Variants in CSGALNACT1 observed in about 807,000 individuals in gnomAD.
CSGALNACT1 encodes chondroitin sulfate N-acetylgalactosaminyltransferase 1.
CSGALNACT1 carries 52 observed loss-of-function variants against 51.0 expected under a neutral mutation model. The ratio of observed to expected loss-of-function variants is 1.02; its 90% CI spans 0.82 to 1.29. The LOEUF (loss-of-function observed/expected upper bound fraction) is 1.29, where lower values mean the gene tolerates loss of function less well. CSGALNACT1 is among the 50% of genes most tolerant of loss of function. The pLI is 0.00. For synonymous variants in CSGALNACT1, 341 were observed against 254.4 expected, an observed-to-expected ratio of 1.34 and a Z score of -3.24; for missense variants, 935 against 679.2, an observed-to-expected ratio of 1.38 and a Z score of -4.19.
chr8:19,566,283 G>A (rs562284222), intron 3 of CSGALNACT1, among the ~76,000 whole-genome samples: 70 of 152,312 alleles, frequency 4.6e-4, no homozygotes, highest in Admixed American at 2.4e-3. Context: ...AGACTGGAAT[G>A]ATGTGATCTA....
At chr8:19,515,090 C>T (rs781585099) in intron 3 of CSGALNACT1, among the ~76,000 whole-genome samples, 10 of 152,040 alleles carry the variant, frequency 6.6e-5, no homozygotes, top group Non-Finnish European at 1.3e-4. Flanking sequence ...GCCTTGATCC[C>T]CCATTCCTTC....
At chr8:19,736,009 C>T (rs988529707) in intron 1 of CSGALNACT1, among the ~76,000 whole-genome samples, 2 of 152,074 alleles carry the variant, frequency 1.3e-5, no homozygotes, top group African/African-American at 4.8e-5. Flanking sequence ...ATTCAATCTG[C>T]ATGTAAAAAT....
intron 7 of CSGALNACT1, among the ~76,000 whole-genome samples, 163 bp downstream of exon 6, chr8:19,420,177 C>T (rs766984097): frequency 5.9e-5 from 9 of 152,132 alleles, no homozygotes; most frequent in Admixed American, 1.3e-4. Flanking sequence ...TTATTAGCCG[C>T]GTGAGAACAG....
upstream of CSGALNACT1, among the ~76,000 whole-genome samples, chr8:19,685,798 T>C (rs1589510943): frequency 6.6e-6 from 1 of 152,174 alleles, no homozygotes; most frequent in African/African-American, 2.4e-5. Flanking sequence ...CAGGCTAACT[T>C]TGACATACCA....
At chr8:19,537,314 A>C (rs2083978550) in intron 3 of CSGALNACT1, among the ~76,000 whole-genome samples, 1 of 152,136 alleles carries the variant, frequency 6.6e-6, no homozygotes, top group South Asian at 2.1e-4. Flanking sequence ...TCTCTAAGCC[A>C]GTTTGTCTGA....
At chr8:19,726,039 A>C (rs12549679) in intron 1 of CSGALNACT1, among the ~76,000 whole-genome samples, 23,302 of 152,172 alleles carry the variant, frequency 0.15, 2,008 homozygotes, top group Middle Eastern at 0.29. Flanking sequence ...TGTGTTCTGA[A>C]GGCTTAAATT....
At chr8:19,404,509 TA>T (rs2053772686) in exon 10 of CSGALNACT1, 1 of 453,752 alleles carries the variant, frequency 2.2e-6, no homozygotes, top group Non-Finnish European at 4.4e-6. Context: ...CTGCTTAATT[TA>T]AAAAATAATT....
exon 4 of CSGALNACT1, chr8:19,506,126 G>C: frequency 1.6e-6 from 1 of 612,844 alleles, no homozygotes; most frequent in South Asian, 1.5e-5. Flanking sequence ...ACAGCAAGAG[G>C]GGACCTGGGA....
At chr8:19,519,604 G>A (rs2154028228) in intron 3 of CSGALNACT1, among the ~76,000 whole-genome samples, 1 of 152,292 alleles carries the variant, frequency 6.6e-6, no homozygotes, top group African/African-American at 2.4e-5. Context: ...CTCGTGAAGT[G>A]CCAAATCATG....
At chr8:19,440,147 C>G (rs958545240) in intron 5 of CSGALNACT1, among the ~76,000 whole-genome samples, 4 of 152,148 alleles carry the variant, frequency 2.6e-5, no homozygotes, top group African/African-American at 9.7e-5. Flanking sequence ...TTTAAACATG[C>G]AGTAAATCAA....
intron 1 of CSGALNACT1, among the ~76,000 whole-genome samples, chr8:19,664,923 A>ATGGGTACAATGTATACTATT (rs2059066207): frequency 6.6e-6 from 1 of 152,206 alleles, no homozygotes; most frequent in Non-Finnish European, 1.5e-5. Context: ...AAATTACGTA[A>ATGGGTACAATGTATACTATT]TGGGTACAAT....
chr8:19,675,614 T>G (rs1198732927), intron 1 of CSGALNACT1, among the ~76,000 whole-genome samples: 1 of 152,072 alleles, frequency 6.6e-6, no homozygotes, highest in African/African-American at 2.4e-5. Context: ...TGCCTCAGCC[T>G]CCTGAGTAGC....
In CSGALNACT1 at chr8:19,478,493, G is replaced by A. The variant is rs995638166; in HGVS notation, c.635-19851C>T. On this transcript the variant is annotated intron_variant, in intron 4 of 9. Transcript: ENST00000454498. ...GATTCCGATTTAATTATTCTGTGGT[G>A]TAGCCTCGACTCCCCAAGAGACTAA... is the stretch of plus-strand genomic sequence containing the variant. 4.7e-5 allele frequency among the ~76,000 whole-genome samples: 7 copies of A among 149,932 alleles called. No individual in the cohort carries two copies. The South Asian group carries it at 8.6e-4, about 18-fold the overall frequency.
At chr8:19,593,192 G>T (rs1342666329) in intron 2 of CSGALNACT1, among the ~76,000 whole-genome samples, 1 of 152,210 alleles carries the variant, frequency 6.6e-6, no homozygotes, top group Non-Finnish European at 1.5e-5. Context: ...TTAATGACAG[G>T]ATGTTCACTG....
chr8:19,490,107 TCAGAAGCCAATC>T (rs1422500386), intron 4 of CSGALNACT1, among the ~76,000 whole-genome samples: 1 of 152,180 alleles, frequency 6.6e-6, no homozygotes, highest in African/African-American at 2.4e-5. Flanking sequence ...CCAGCAACAT[TCAGAAGCCAATC>T]CTGATCAATA....
intron 3 of CSGALNACT1, among the ~76,000 whole-genome samples, chr8:19,589,389 G>A (rs1226310370): frequency 1.3e-5 from 2 of 152,140 alleles, no homozygotes; most frequent in Admixed American, 1.3e-4. Context: ...GCACTGGCAC[G>A]ATCTTAGCTC....
At chr8:19,545,938 A>T (rs1011191890) in intron 3 of CSGALNACT1, among the ~76,000 whole-genome samples, 1 of 151,114 alleles carries the variant, frequency 6.6e-6, no homozygotes, top group Non-Finnish European at 1.5e-5. Flanking sequence ...AATGCACAAA[A>T]AATAAAATAA....
At chr8:19,452,722 T>C (rs2063407941) in intron 5 of CSGALNACT1, among the ~76,000 whole-genome samples, 1 of 152,140 alleles carries the variant, frequency 6.6e-6, no homozygotes, top group African/African-American at 2.4e-5. Context: ...CAACCCTTAC[T>C]TGAAGGCCAT....
intron 2 of CSGALNACT1, among the ~76,000 whole-genome samples, chr8:19,601,056 A>G (rs567173117): frequency 6.6e-6 from 1 of 152,210 alleles, no homozygotes; most frequent in African/African-American, 2.4e-5. Context: ...AACATTAATG[A>G]TATTTTACAG....
Sources: gnomAD v4.1 joint callset for allele counts (sites outside exome capture counted in the v4.1 genomes callset) on GRCh38, gnomAD v4.1.1 for gene constraint, MANE v1.5 for transcripts, NCBI Gene and HGNC (gene_info 2026-07-23, HGNC 2026-07-21) for gene names.